The following RIMS2 variants were observed in gnomAD, a reference collection of about 807,000 sequenced individuals.
RIMS2 encodes regulating synaptic membrane exocytosis 2.
A neutral mutation model predicts 174.4 loss-of-function variants in RIMS2; 59 were observed. The ratio of observed to expected loss-of-function variants is 0.34; its 90% CI spans 0.27 to 0.42. The LOEUF (loss-of-function observed/expected upper bound fraction) is 0.42, where lower values mean the gene tolerates loss of function less well. Ranked by LOEUF, RIMS2 falls within the 10% of genes least tolerant of loss-of-function variation. The probability of loss-of-function intolerance (pLI) is 1.00; values close to 1 mark genes in which losing one functional copy is unlikely to be tolerated. For missense variants in RIMS2, 1,620 were observed against 1,666.3 expected (o/e 0.97, Z 0.48); for synonymous variants, 606 against 572.5 (o/e 1.06, Z -0.84).
chr8:103,569,707 C>A (rs977844726), intron 1 of RIMS2, among the ~76,000 whole-genome samples: 1 of 151,810 alleles, frequency 6.6e-6, no homozygotes, highest in African/African-American at 2.4e-5. Flanking sequence ...GCCTTGAAAT[C>A]CTGGGCTCAA....
chr8:103,814,909 T>A (rs2098709831), intron 3 of RIMS2, among the ~76,000 whole-genome samples: 1 of 152,182 alleles, frequency 6.6e-6, no homozygotes. Context: ...ATATAGCTAA[T>A]CACATGAAAA....
rs10089821 is a variant in RIMS2 at position 104,224,802 on chromosome 8, A to G, written c.3335-20114A>G. 7.6e-3 allele frequency among the ~76,000 whole-genome samples: 1,163 copies of G among 152,176 alleles called. 11 individuals carry two copies. The highest frequency in any genetic ancestry group is 0.024 in the African/African-American group (1,014 of 41,498). The stretch of plus-strand genomic sequence containing the variant: ...CTTTTTTTCCTGATAGGGGAGGGGG[A>G]AAAGTAGAAGATGGAGGATTGGTAA... On this transcript the variant is annotated intron_variant, in intron 19 of 23. Transcript: ENST00000504942.
At chr8:103,867,193 C>A (rs1466437977) in intron 3 of RIMS2, among the ~76,000 whole-genome samples, 1 of 151,762 alleles carries the variant, frequency 6.6e-6, no homozygotes, top group Non-Finnish European at 1.5e-5. Context: ...GTTATAGTTT[C>A]AGAAAATCAA....
At chr8:103,681,291 T>G (rs144936587) in intron 1 of RIMS2, among the ~76,000 whole-genome samples, 1 of 152,178 alleles carries the variant, frequency 6.6e-6, no homozygotes, top group Non-Finnish European at 1.5e-5. Flanking sequence ...ACATAGTAAG[T>G]ACCATGCACA....
intron 19 of RIMS2, among the ~76,000 whole-genome samples, chr8:104,243,497 C>T (rs1306655984): frequency 6.6e-6 from 1 of 151,998 alleles, no homozygotes; most frequent in Non-Finnish European, 1.5e-5. Context: ...CCAGCCTGGC[C>T]AACATAGCGA....
At chr8:103,603,574 T>C (rs1363999975) in intron 1 of RIMS2, among the ~76,000 whole-genome samples, 1 of 152,070 alleles carries the variant, frequency 6.6e-6, no homozygotes, top group South Asian at 2.1e-4. Flanking sequence ...AATCGCCACA[T>C]TGACTTCCAC....
At chr8:104,157,222 CATT>C (rs2098730168) in intron 19 of RIMS2, among the ~76,000 whole-genome samples, 1 of 151,952 alleles carries the variant, frequency 6.6e-6, no homozygotes, top group South Asian at 2.1e-4. Flanking sequence ...CTGGTGTTAA[CATT>C]ATCATAAATT....
In RIMS2 at chr8:103,611,487, G is replaced by T. The variant is rs562499771; in HGVS notation, c.177-85599G>T. Among the ~76,000 whole-genome samples, 68 of 151,350 alleles carry T rather than the reference G, an allele frequency of 4.5e-4. No individual in the cohort carries two copies. The South Asian group carries it at 0.011, about 25-fold the overall frequency. ...ACCCTTTAGCATTTCTTATAGGATA[G>T]GTCTAGTGTTGATGCATCCCTCAGC... On this transcript the variant is annotated intron_variant, in intron 1 of 23. Coordinates refer to ENST00000504942, the Ensembl canonical transcript of RIMS2.
chr8:103,942,013 G>T (rs566693010), intron 13 of RIMS2, among the ~76,000 whole-genome samples: 1 of 152,112 alleles, frequency 6.6e-6, no homozygotes, highest in Non-Finnish European at 1.5e-5. Flanking sequence ...TAACTTTTAA[G>T]TTCAGGGATA....
At chr8:104,154,293 G>T (rs2098708148) in intron 19 of RIMS2, among the ~76,000 whole-genome samples, 1 of 152,100 alleles carries the variant, frequency 6.6e-6, no homozygotes, top group African/African-American at 2.4e-5. Flanking sequence ...TTCTGTTACA[G>T]TCTAGAATAG....
intron 14 of RIMS2, among the ~76,000 whole-genome samples, chr8:103,952,372 T>C (rs1051106516): frequency 6.6e-6 from 1 of 152,116 alleles, no homozygotes; most frequent in African/African-American, 2.4e-5. Context: ...CTGGCTGGCA[T>C]CTGGTGGGTG....
intron 1 of RIMS2, among the ~76,000 whole-genome samples, chr8:103,584,434 A>G (rs1251320253): frequency 1.6e-5 from 1 of 64,082 alleles, no homozygotes; most frequent in Admixed American, 1.8e-4. Flanking sequence ...ACACAGAAAA[A>G]CACAGATTTT....
At position 104,014,635 on chromosome 8, in the gene RIMS2, G is replaced by A; in HGVS notation, c.3334+20G>A. ...ATAGAAGTAAGTTTTATTTCTAATT[G>A]TCTCGTTTAGGAAATACACATGGAA... On this transcript the variant is annotated intron_variant, in intron 19 of 23. Coordinates refer to ENST00000504942, the Ensembl canonical transcript of RIMS2. 2 of 1,457,634 alleles carry A rather than the reference G, an allele frequency of 1.4e-6. No homozygotes were observed. Among genetic ancestry groups the A allele is most frequent in the South Asian group, 1.1e-5 (1 of 87,500 alleles). The allele number at this position is 1,457,634 out of a possible 1,614,324, so 90.3% of individuals were successfully genotyped here.
chr8:104,188,245 A>AGAT (rs2098979358), intron 19 of RIMS2, among the ~76,000 whole-genome samples: 3 of 142,918 alleles, frequency 2.1e-5, no homozygotes, highest in Admixed American at 7.4e-5. Flanking sequence ...ATAGATAGAT[A>AGAT]GATAGATAGA....
intron 12 of RIMS2, among the ~76,000 whole-genome samples, chr8:103,933,017 G>T (rs2080321213): frequency 6.6e-6 from 1 of 152,098 alleles, no homozygotes; most frequent in Admixed American, 6.6e-5. Flanking sequence ...AATTGGCCAG[G>T]CGCGGTGGCT....
intron 1 of RIMS2, among the ~76,000 whole-genome samples, chr8:103,520,631 T>C (rs1463789672): frequency 6.6e-6 from 1 of 152,158 alleles, no homozygotes; most frequent in Non-Finnish European, 1.5e-5. Context: ...ATAGTAATAA[T>C]TTAAAAATAG....
At chr8:103,748,991 G>C (rs1285314213) in intron 2 of RIMS2, among the ~76,000 whole-genome samples, 2 of 151,746 alleles carry the variant, frequency 1.3e-5, no homozygotes, top group East Asian at 1.9e-4. Flanking sequence ...GTAGAGACAG[G>C]GTTTCTCATG....
chr8:104,231,714 G>T (rs1375949224), intron 19 of RIMS2, among the ~76,000 whole-genome samples: 1 of 152,100 alleles, frequency 6.6e-6, no homozygotes, highest in Non-Finnish European at 1.5e-5. Context: ...TGAATATCGT[G>T]AACTAGTATT....
At chr8:103,814,084 A>G (rs2098704500) in intron 3 of RIMS2, among the ~76,000 whole-genome samples, 1 of 152,172 alleles carries the variant, frequency 6.6e-6, no homozygotes, top group African/African-American at 2.4e-5. Context: ...GAACAAGATT[A>G]TGTTTTTTTG....
Sources: gnomAD v4.1 joint callset for allele counts (sites outside exome capture counted in the v4.1 genomes callset) on GRCh38, gnomAD v4.1.1 for gene constraint, MANE v1.5 for transcripts, NCBI Gene and HGNC (gene_info 2026-07-23, HGNC 2026-07-21) for gene names.